Variants in PALM2AKAP2 observed in about 807,000 individuals in gnomAD.
PALM2AKAP2 encodes PALM2-AKAP2 fusion protein.
A neutral mutation model predicts 71.5 loss-of-function variants in PALM2AKAP2; 37 were observed. The observed-to-expected ratio is 0.52, with a 90% CI of 0.40 to 0.68. The LOEUF is 0.68. PALM2AKAP2 is among the 30% of genes least tolerant of loss of function. The probability of loss-of-function intolerance (pLI) is 0.00; values close to 1 mark genes in which losing one functional copy is unlikely to be tolerated. For synonymous variants in PALM2AKAP2, 468 were observed against 478.8 expected (o/e 0.98, Z 0.29); for missense variants, 1,224 against 1,191.8 (o/e 1.03, Z -0.40).
At chr9:110,135,364 A>G (rs1004612501) in intron 1 of PALM2AKAP2, among the ~76,000 whole-genome samples, 1 of 147,364 alleles carries the variant, frequency 6.8e-6, no homozygotes, top group Non-Finnish European at 1.5e-5. Flanking sequence ...AAAAAAAAAA[A>G]AAAAGAAAAA....
intron 1 of PALM2AKAP2, among the ~76,000 whole-genome samples, chr9:109,716,646 G>T (rs145450286): frequency 6.6e-6 from 1 of 152,324 alleles, no homozygotes; most frequent in African/African-American, 2.4e-5. Flanking sequence ...GTCAGGGATA[G>T]GGGGAAGGAA....
chr9:109,659,694 G>T (rs971709305), intron 1 of PALM2AKAP2, among the ~76,000 whole-genome samples: 1 of 152,030 alleles, frequency 6.6e-6, no homozygotes, highest in Non-Finnish European at 1.5e-5. Context: ...GTAAAATGAT[G>T]TATCCATAAT....
chr9:110,073,714 T>C (rs1834259254), intron 1 of PALM2AKAP2, among the ~76,000 whole-genome samples: 1 of 152,196 alleles, frequency 6.6e-6, no homozygotes, highest in Non-Finnish European at 1.5e-5. Flanking sequence ...GTCTACATTA[T>C]GGGATTTCCC....
intron 1 of PALM2AKAP2, among the ~76,000 whole-genome samples, chr9:109,770,339 C>G (rs181412746): frequency 1.2e-4 from 19 of 152,206 alleles, no homozygotes; most frequent in Admixed American, 3.3e-4. Context: ...CCTGATACCC[C>G]AGAAACTATA....
chr9:110,000,952 A>G (rs991929745), intron 6 of PALM2AKAP2, among the ~76,000 whole-genome samples: 1 of 152,146 alleles, frequency 6.6e-6, no homozygotes, highest in Non-Finnish European at 1.5e-5. Flanking sequence ...ATTTTCTCCC[A>G]TTCTATAGGC....
At chr9:109,962,719 T>C (rs958393792) in intron 6 of PALM2AKAP2, among the ~76,000 whole-genome samples, 4 of 151,716 alleles carry the variant, frequency 2.6e-5, no homozygotes, top group Non-Finnish European at 4.4e-5. Context: ...CTCGGCTCAC[T>C]GCAACCTCCG....
intron 3 of PALM2AKAP2, among the ~76,000 whole-genome samples, chr9:110,165,570 T>G (rs1836714241): frequency 6.6e-6 from 1 of 152,192 alleles, no homozygotes; most frequent in Admixed American, 6.5e-5. Context: ...GGTAAGTGAT[T>G]GTATGACCAT....
chr9:109,647,115 T>TTATATA lies in PALM2AKAP2; in HGVS notation c.5+6258_5+6263dup, dbSNP rs139881091. Among the ~76,000 whole-genome samples, 1,216 of 150,926 alleles carry TTATATA rather than the reference T, an allele frequency of 8.1e-3. 13 individuals carry two copies. Among genetic ancestry groups the TTATATA allele is most frequent in the African/African-American group, 0.026 (1,058 of 40,976 alleles). On this transcript the variant is annotated intron_variant, in intron 1 of 6. Transcript: ENST00000374531. Reference sequence around the variant, plus strand: ...GCAAACATCATAGAGTTGGAAACACTTATATATATATATAGGTTTAAATAT... The same window carrying TTATATA: ...GCAAACATCATAGAGTTGGAAACACTTATATATATATATATATATAGGTTTAAATAT...
At chr9:110,119,341 CAAAAA>C (rs200861093) in intron 1 of PALM2AKAP2, among the ~76,000 whole-genome samples, 4 of 88,922 alleles carry the variant, frequency 4.5e-5, no homozygotes, top group African/African-American at 1.2e-4. Flanking sequence ...GACTCCATCT[CAAAAA>C]AAAAAAAAAA....
chr9:110,154,485 G>A (rs1836399167), intron 2 of PALM2AKAP2, among the ~76,000 whole-genome samples: 1 of 152,170 alleles, frequency 6.6e-6, no homozygotes, highest in South Asian at 2.1e-4. Flanking sequence ...AATTCAGCAA[G>A]TCTAAGGAAG....
At chr9:109,901,443 A>G (rs963755403) in intron 3 of PALM2AKAP2, among the ~76,000 whole-genome samples, 2 of 152,196 alleles carry the variant, frequency 1.3e-5, no homozygotes, top group Non-Finnish European at 2.9e-5. Context: ...CACTCTGTCC[A>G]TTAGGAGAAA....
intron 3 of PALM2AKAP2, among the ~76,000 whole-genome samples, chr9:109,895,016 C>T (rs772321191): frequency 6.6e-6 from 1 of 152,202 alleles, no homozygotes; most frequent in Admixed American, 6.5e-5. Context: ...ATCCCCACAC[C>T]ACTTCCCATC....
chr9:110,006,358 C>CTTTCTTTCTTTCTTTCTTTCTTTCTT (rs1554736943), intron 6 of PALM2AKAP2, among the ~76,000 whole-genome samples: 2 of 126,746 alleles, frequency 1.6e-5, no homozygotes, highest in African/African-American at 6.1e-5. Flanking sequence ...TTCTTTCTTT[C>CTTTCTTTCTTTCTTTCTTTCTTTCTT]TTTCTTTCTT....
chr9:109,741,607 G>T (rs1406341945), intron 1 of PALM2AKAP2, among the ~76,000 whole-genome samples: 3 of 152,184 alleles, frequency 2.0e-5, no homozygotes, highest in African/African-American at 2.4e-5. Context: ...TGTTCCACAT[G>T]TTCACTGACA....
intron 1 of PALM2AKAP2, among the ~76,000 whole-genome samples, chr9:110,071,180 A>AAAAAAAAAAAAAT (rs1834201559): frequency 6.6e-6 from 1 of 151,498 alleles, no homozygotes; most frequent in Non-Finnish European, 1.5e-5. Context: ...AAAAAAAAGA[A>AAAAAAAAAAAAAT]TTGGTAGAAC....
rs553300854 is a variant in PALM2AKAP2 at position 109,826,623 on chromosome 9, G to A, written c.46-40868G>A. Among the ~76,000 whole-genome samples, 9 of 152,262 alleles carry A rather than the reference G, an allele frequency of 5.9e-5. No individual in the cohort carries two copies. In the South Asian group the frequency reaches 1.0e-3, roughly 18 times the overall value. On this transcript the variant is annotated intron_variant, in intron 1 of 9. Coordinates refer to the PALM2AKAP2 transcript ENST00000302798. ...TTATGACTTAGGTAGTTTTTGCCTT[G>A]CAAAAGGGAGATAGGGAAAGAAAGT...
At chr9:109,687,946 G>T (rs1024826840) in intron 1 of PALM2AKAP2, among the ~76,000 whole-genome samples, 5 of 152,212 alleles carry the variant, frequency 3.3e-5, no homozygotes, top group African/African-American at 9.6e-5. Flanking sequence ...GAAATAGAGA[G>T]GCTTAAGGAG....
At chr9:109,816,866 C>T (rs1827867027) in intron 1 of PALM2AKAP2, among the ~76,000 whole-genome samples, 1 of 152,182 alleles carries the variant, frequency 6.6e-6, no homozygotes, top group Non-Finnish European at 1.5e-5. Flanking sequence ...AACCCACTTC[C>T]TGATCCTAAT....
chr9:109,685,359 T>A (rs1478138204), intron 1 of PALM2AKAP2, among the ~76,000 whole-genome samples: 2 of 152,184 alleles, frequency 1.3e-5, no homozygotes, highest in Non-Finnish European at 2.9e-5. Context: ...ACTTTCTAAA[T>A]ATACACAGTT....
Sources: gnomAD v4.1 joint callset for allele counts (sites outside exome capture counted in the v4.1 genomes callset) on GRCh38, gnomAD v4.1.1 for gene constraint, MANE v1.5 for transcripts, NCBI Gene and HGNC (gene_info 2026-07-23, HGNC 2026-07-21) for gene names.